The following EXOSC6 variants were observed in gnomAD, a reference collection of about 807,000 sequenced individuals.
EXOSC6 encodes the protein exosome component 6, also known as exosome complex component MTR3.
EXOSC6 carries 21 observed loss-of-function variants against 16.7 expected under a neutral mutation model. The ratio of observed to expected loss-of-function variants is 1.26; its 90% CI spans 0.89 to 1.82. The LOEUF (loss-of-function observed/expected upper bound fraction) is 1.82. Among genes scored for constraint, EXOSC6 ranks in the 40% most tolerant of loss-of-function variants. The probability of loss-of-function intolerance (pLI) is 0.00; values close to 1 mark genes in which losing one functional copy is unlikely to be tolerated. For synonymous variants in EXOSC6, 297 were observed against 217.1 expected, an observed-to-expected ratio of 1.37 and a Z score of -3.24; for missense variants, 538 against 415.7, an observed-to-expected ratio of 1.29 and a Z score of -2.56.
chr16:70,251,742 G>C lies in EXOSC6; in HGVS notation c.159C>G (p.Ala53=). ...CCTTGGTGCCTCCCGCCTCCAGGTA[G>C]GCCGAGCCCTTGGCCTGGCTCAGCA... ...AGLLSQAKGS[A]YLEAGGTKVL... is the part of the protein sequence containing the mutation. The change falls in exon 1 of 1, where the codon GCC becomes GCG. Residue 53 remains alanine, a synonymous_variant. Coordinates refer to ENST00000435634, the MANE Select transcript of EXOSC6 (RefSeq NM_058219.3). 1 of 1,408,388 alleles carries C rather than the reference G, an allele frequency of 7.1e-7. No individual in the cohort carries two copies. Among genetic ancestry groups the C allele is most frequent in the Non-Finnish European group, 9.2e-7 (1 of 1,092,634 alleles). The allele number at this position is 1,408,388 out of a possible 1,614,324, so 87.2% of individuals were successfully genotyped here. A position where few individuals can be genotyped will look rare whatever the true frequency, so the allele number is the denominator to read the frequency against.
chr16:70,251,109 G>A lies in EXOSC6; in HGVS notation c.792C>T (p.Arg264=), dbSNP rs769894271. ...VLQQSLVRAA[R]RRGAAAQP Reference sequence around the variant, plus strand: ...AGGGCTGGGCGGCGGCGCCCCTGCGGCGGGCGGCCCGCACCAGGCTCTGCT... The same window carrying A: ...AGGGCTGGGCGGCGGCGCCCCTGCGACGGGCGGCCCGCACCAGGCTCTGCT... Residue 264 remains arginine, a synonymous_variant, in exon 1 of 1, where the codon CGC becomes CGT. Transcript: ENST00000435634. 24 of 1,502,802 alleles carry A rather than the reference G, an allele frequency of 1.6e-5. No homozygotes were observed. Among genetic ancestry groups the A allele is most frequent in the Middle Eastern group, 2.4e-4 (1 of 4,188 alleles). The allele number at this position is 1,502,802 out of a possible 1,614,324, so 93.1% of individuals were successfully genotyped here.
Position 70,250,543 on chromosome 16 carries a change from C to T in EXOSC6, c.*539G>A, listed in dbSNP as rs1161994657. The T allele has an allele frequency of 1.3e-5, 2 of 151,916 alleles. No homozygotes were observed. Among genetic ancestry groups the T allele is most frequent in the Non-Finnish European group, 2.9e-5 (2 of 68,064 alleles). 9.4% of individuals were successfully genotyped at this position (151,916 alleles called of 1,614,324 possible). On this transcript the variant is annotated 3_prime_UTR_variant, in exon 1 of 1. Coordinates refer to ENST00000435634, the MANE Select transcript of EXOSC6 (RefSeq NM_058219.3). ...AATTAGCCCGGTATGGAGGCATGTG[C>T]CTGTAATCCCAGCTACTTGGGAGGC...
At position 70,251,042 on chromosome 16, in the gene EXOSC6, C is replaced by T. The variant is rs199955950; in HGVS notation, c.*40G>A. On this transcript the variant is annotated 3_prime_UTR_variant, in exon 1 of 1. Transcript: ENST00000435634. ...GGTCTTTTCGTGGACGGCGGCAGCA[C>T]GGTCCTCGGCTTGCGTCCGTAGTTG... 25 of 1,430,438 alleles carry T rather than the reference C, an allele frequency of 1.7e-5. No homozygotes were observed. The East Asian group carries it at 2.7e-4, about 16-fold the overall frequency. The allele number at this position is 1,430,438 out of a possible 1,614,324, so 88.6% of individuals were successfully genotyped here.
rs1275692322 is a variant in EXOSC6, at chr16:70,248,129, T to C, written c.*2953A>G. The stretch of plus-strand genomic sequence containing the variant: ...AATCTACACAGGCACAGACTATCAA[T>C]GCTAAAAATCATTTAAAAGACATCT... On this transcript the variant is annotated 3_prime_UTR_variant, in exon 1 of 1. Transcript: ENST00000435634. The C allele has an allele frequency of 6.6e-6, 1 of 152,170 alleles. No homozygotes were observed. Among genetic ancestry groups the C allele is most frequent in the Non-Finnish European group, 1.5e-5 (1 of 68,020 alleles). The allele number at this position is 152,170 out of a possible 1,614,324, so 9.4% of individuals were successfully genotyped here.
At position 70,250,517 on chromosome 16, in the gene EXOSC6, A is replaced by G. The variant is rs890393429; in HGVS notation, c.*565T>C. On this transcript the variant is annotated 3_prime_UTR_variant, in exon 1 of 1. Transcript: ENST00000435634. Reference sequence around the variant, plus strand: ...AACCCCATCTCTACTAAAAATACAAAAATTAGCCCGGTATGGAGGCATGTG... The same window carrying G: ...AACCCCATCTCTACTAAAAATACAAGAATTAGCCCGGTATGGAGGCATGTG... 6.6e-6 allele frequency: 1 copy of G among 151,922 alleles called. No homozygotes were observed. The highest frequency in any genetic ancestry group is 1.5e-5 in the Non-Finnish European group (1 of 67,998). 9.4% of individuals were successfully genotyped at this position (151,922 alleles called of 1,614,324 possible).
chr16:70,251,637 G>A lies in EXOSC6; in HGVS notation c.264C>T (p.Ala88=). 8.9e-7 allele frequency: 1 copy of A among 1,124,018 alleles called. No individual in the cohort carries two copies. Among genetic ancestry groups the A allele is most frequent in the African/African-American group, 1.7e-5 (1 of 60,392 alleles). 69.6% of individuals were successfully genotyped at this position (1,124,018 alleles called of 1,614,324 possible). A position where few individuals can be genotyped will look rare whatever the true frequency, so the allele number is the denominator to read the frequency against. The change falls in exon 1 of 1, where the codon GCC becomes GCT. Residue 88 remains alanine, a synonymous_variant. Coordinates refer to ENST00000435634, the MANE Select transcript of EXOSC6 (RefSeq NM_058219.3). ...GGGPAGAGGE[A]PAALRGRLLC... ...GCAGGCGACCGCGCAGCGCGGCCGG[G>A]GCCTCGCCGCCTGCTCCGGCCGGGC... is the stretch of plus-strand genomic sequence containing the variant.
Position 70,251,080 on chromosome 16 carries a change from G to C in EXOSC6, c.*2C>G, listed in dbSNP as rs2152148152. Reference sequence around the variant, plus strand: ...GCGTCCGTAGTTGCTCAGGCTTCTGGTTCAGGGCTGGGCGGCGGCGCCCCT... The same window carrying C: ...GCGTCCGTAGTTGCTCAGGCTTCTGCTTCAGGGCTGGGCGGCGGCGCCCCT... On this transcript the variant is annotated 3_prime_UTR_variant, in exon 1 of 1. Coordinates refer to ENST00000435634, the MANE Select transcript of EXOSC6 (RefSeq NM_058219.3). 1 of 1,472,016 alleles carries C rather than the reference G, an allele frequency of 6.8e-7. No homozygotes were observed. The highest frequency in any genetic ancestry group is 2.7e-5 in the East Asian group (1 of 37,234). The allele number at this position is 1,472,016 out of a possible 1,614,324, so 91.2% of individuals were successfully genotyped here.
Position 70,248,515 on chromosome 16 carries a change from A to G in EXOSC6, c.*2567T>C, listed in dbSNP as rs970244936. 13 of 152,192 alleles carry G rather than the reference A, an allele frequency of 8.5e-5. No individual in the cohort carries two copies. Among genetic ancestry groups the G allele is most frequent in the African/African-American group, 2.9e-4 (12 of 41,438 alleles). The allele number at this position is 152,192 out of a possible 1,614,324, so 9.4% of individuals were successfully genotyped here. A position where few individuals can be genotyped will look rare whatever the true frequency, so the allele number is the denominator to read the frequency against. ...TAATTATGCATGCAGAATAAGCCCA[A>G]GCTGGTGGCATTCTGTTCAGTTACA... On this transcript the variant is annotated 3_prime_UTR_variant, in exon 1 of 1. Transcript: ENST00000435634.
chr16:70,246,790 A>G lies in EXOSC6; in HGVS notation c.*4292T>C. On this transcript the variant is annotated 3_prime_UTR_variant, in exon 1 of 1. Coordinates refer to ENST00000435634, the MANE Select transcript of EXOSC6 (RefSeq NM_058219.3). ...TAAAAGAACTACATTTCTGACAACA[A>G]TGAAATAGTTTATTTTCTTCAAATA... 1.7e-6 allele frequency: 1 copy of G among 589,234 alleles called. No individual in the cohort carries two copies. Among genetic ancestry groups the G allele is most frequent in the Non-Finnish European group, 3.0e-6 (1 of 336,928 alleles). 36.5% of individuals were successfully genotyped at this position (589,234 alleles called of 1,614,324 possible).
At position 70,251,201 on chromosome 16, in the gene EXOSC6, T is replaced by C. The variant is rs1166280530; in HGVS notation, c.700A>G (p.Thr234Ala). Reference sequence around the variant, plus strand: ...CGTACGGCCTCCGCCCAGCTCTCTGTCAGGCCGCCCTCGCCGCTGCCCAGC... The same window carrying C: ...CGTACGGCCTCCGCCCAGCTCTCTGCCAGGCCGCCCTCGCCGCTGCCCAGC... ...GLLGSGEGGL[T>A]ESWAEAVRLG... The change falls in exon 1 of 1, where the codon ACA becomes GCA. Residue 234 changes from threonine to alanine, a missense_variant. By Grantham distance (58) the Thr-to-Ala change is moderately conservative. Coordinates refer to ENST00000435634, the MANE Select transcript of EXOSC6 (RefSeq NM_058219.3). 1 of 1,513,010 alleles carries C rather than the reference T, an allele frequency of 6.6e-7. No homozygotes were observed. The highest frequency in any genetic ancestry group is 2.0e-5 in the Admixed American group (1 of 48,980). The allele number at this position is 1,513,010 out of a possible 1,614,324, so 93.7% of individuals were successfully genotyped here. A position where few individuals can be genotyped will look rare whatever the true frequency, so the allele number is the denominator to read the frequency against.
rs1303844073 is a variant in EXOSC6 at position 70,251,724 on chromosome 16, G to A, written c.177C>T (p.Gly59=). Residue 59 remains glycine (G), a synonymous_variant, in exon 1 of 1, where the codon GGC becomes GGT. Transcript: ENST00000435634. ...CCGACACGGCACACAGCACCTTGGT[G>A]CCTCCCGCCTCCAGGTAGGCCGAGC... ...AKGSAYLEAG[G]TKVLCAVSGP... The A allele has an allele frequency of 4.3e-6, 6 of 1,391,328 alleles. No individual in the cohort carries two copies. Among genetic ancestry groups the A allele is most frequent in the Middle Eastern group, 2.6e-4 (1 of 3,848 alleles). The allele number at this position is 1,391,328 out of a possible 1,614,324, so 86.2% of individuals were successfully genotyped here.
In EXOSC6 at chr16:70,250,911, C is replaced by T; in HGVS notation, c.*171G>A. On this transcript the variant is annotated 3_prime_UTR_variant, in exon 1 of 1. Transcript: ENST00000435634. ...TTTGCCTTTATCATTCCAAGTAGTC[C>T]CTGCTCCAGACCAAGTCCCACCATC... is the stretch of plus-strand genomic sequence containing the variant. The T allele has an allele frequency of 1.3e-6, 1 of 784,396 alleles. No homozygotes were observed. The highest frequency in any genetic ancestry group is 3.3e-5 in the East Asian group (1 of 30,138). 48.6% of individuals were successfully genotyped at this position (784,396 alleles called of 1,614,324 possible).
chr16:70,251,739 G>C lies in EXOSC6; in HGVS notation c.162C>G (p.Tyr54Ter). The change falls in exon 1 of 1, where the codon TAC becomes TAG. Residue 54 changes from tyrosine (Y) to a stop codon, truncating the protein, a stop_gained. Transcript: ENST00000435634. LOFTEE classifies it high-confidence loss of function. ...GCACCTTGGTGCCTCCCGCCTCCAG[G>C]TAGGCCGAGCCCTTGGCCTGGCTCA... The part of the protein sequence containing the change: ...GLLSQAKGSA[Y>*]LEAGGTKVLC... 1 of 1,403,130 alleles carries C rather than the reference G, an allele frequency of 7.1e-7. No homozygotes were observed. The allele number at this position is 1,403,130 out of a possible 1,614,324, so 86.9% of individuals were successfully genotyped here.
rs1959708378 is a variant in EXOSC6 at position 70,246,997 on chromosome 16, T to TA, written c.*4084dup. Reference sequence around the variant, plus strand: ...CGAAATGAGGAATTCACCCTAAAATTAGTGTGGAGAAAACAAGCAAATTAG... The same window carrying TA: ...CGAAATGAGGAATTCACCCTAAAATTAAGTGTGGAGAAAACAAGCAAATTAG... On this transcript the variant is annotated 3_prime_UTR_variant, in exon 1 of 1. Transcript: ENST00000435634. 2 of 505,060 alleles carry TA rather than the reference T, an allele frequency of 4.0e-6. No homozygotes were observed. Among genetic ancestry groups the TA allele is most frequent in the South Asian group, 3.0e-5 (2 of 67,204 alleles). 31.3% of individuals were successfully genotyped at this position (505,060 alleles called of 1,614,324 possible). A position where few individuals can be genotyped will look rare whatever the true frequency, so the allele number is the denominator to read the frequency against.
chr16:70,249,085 A>C lies in EXOSC6; in HGVS notation c.*1997T>G, dbSNP rs1959751674. The C allele has an allele frequency of 6.6e-6, 1 of 151,292 alleles. No individual in the cohort carries two copies. Among genetic ancestry groups the C allele is most frequent in the South Asian group, 2.1e-4 (1 of 4,802 alleles). The allele number at this position is 151,292 out of a possible 1,614,324, so 9.4% of individuals were successfully genotyped here. The stretch of plus-strand genomic sequence containing the variant: ...CAATACCATAATTTAATCACTTAAA[A>C]TCTTACTCAAAACTAAATCAATGAT... On this transcript the variant is annotated 3_prime_UTR_variant, in exon 1 of 1. Coordinates refer to ENST00000435634, the MANE Select transcript of EXOSC6 (RefSeq NM_058219.3).
In EXOSC6 at chr16:70,251,389, T is replaced by A; in HGVS notation, c.512A>T (p.Asp171Val). Residue 171 changes from aspartate (D) to valine (V), a missense_variant, in exon 1 of 1, where the codon GAC becomes GTC. Asp to Val is a radical substitution (Grantham distance 152). Transcript: ENST00000435634. ...CAGGTCGTACATCTCCACGCCCGCG[T>A]CGGCCAGGGCGAGCGCGGCGGCGGT... Reference protein sequence around the residue: ...ALTAAALALADAGVEMYDLVV... With the variant: ...ALTAAALALAVAGVEMYDLVV... 3.0e-6 allele frequency: 4 copies of A among 1,355,532 alleles called. No homozygotes were observed. Among genetic ancestry groups the A allele is most frequent in the Non-Finnish European group, 3.8e-6 (4 of 1,060,254 alleles). The allele number at this position is 1,355,532 out of a possible 1,614,324, so 84.0% of individuals were successfully genotyped here.
rs939789554 is a variant in EXOSC6 at position 70,248,311 on chromosome 16, T to C, written c.*2771A>G. The C allele has an allele frequency of 6.6e-6, 1 of 151,786 alleles. No homozygotes were observed. Among genetic ancestry groups the C allele is most frequent in the Non-Finnish European group, 1.5e-5 (1 of 68,044 alleles). 9.4% of individuals were successfully genotyped at this position (151,786 alleles called of 1,614,324 possible). ...GGTTGAACTGTCATCATGTGTATGG[T>C]TTTCAGATGCTCAACAAAAGTGTGT... On this transcript the variant is annotated 3_prime_UTR_variant, in exon 1 of 1. Coordinates refer to ENST00000435634, the MANE Select transcript of EXOSC6 (RefSeq NM_058219.3).
Position 70,247,735 on chromosome 16 carries a change from T to C in EXOSC6, c.*3347A>G, listed in dbSNP as rs1380488998. ...AAAGCTGTGCTTTACATAGCAATCT[T>C]ATAAAAGAAATGCTAGAATCAGAAA... On this transcript the variant is annotated 3_prime_UTR_variant, in exon 1 of 1. Transcript: ENST00000435634. 6.6e-6 allele frequency: 1 copy of C among 152,190 alleles called. No homozygotes were observed. Among genetic ancestry groups the C allele is most frequent in the East Asian group, 1.9e-4 (1 of 5,206 alleles). The allele number at this position is 152,190 out of a possible 1,614,324, so 9.4% of individuals were successfully genotyped here.
Position 70,251,063 on chromosome 16 carries a change from A to T in EXOSC6, c.*19T>A. The T allele has an allele frequency of 1.4e-6, 2 of 1,447,456 alleles. No homozygotes were observed. Among genetic ancestry groups the T allele is most frequent in the South Asian group, 1.5e-5 (1 of 68,662 alleles). The allele number at this position is 1,447,456 out of a possible 1,614,324, so 89.7% of individuals were successfully genotyped here. On this transcript the variant is annotated 3_prime_UTR_variant, in exon 1 of 1. Transcript: ENST00000435634. Reference sequence around the variant, plus strand: ...AGCACGGTCCTCGGCTTGCGTCCGTAGTTGCTCAGGCTTCTGGTTCAGGGC... The same window carrying T: ...AGCACGGTCCTCGGCTTGCGTCCGTTGTTGCTCAGGCTTCTGGTTCAGGGC...
Sources: allele counts gnomAD v4.1 joint callset, GRCh38; gene constraint gnomAD v4.1.1; transcripts MANE v1.5; gene names NCBI Gene and HGNC (gene_info 2026-07-23, HGNC 2026-07-21).